The following LRRC4C variants were observed in gnomAD, a reference collection of about 807,000 sequenced individuals.
LRRC4C encodes the protein leucine rich repeat containing 4C.
LRRC4C carries 5 observed loss-of-function variants against 33.6 expected under a neutral mutation model. That is an observed-to-expected ratio of 0.15 (90% CI 0.08 to 0.31). LRRC4C has a LOEUF of 0.31. LRRC4C is among the 10% of genes least tolerant of loss of function. The probability of loss-of-function intolerance (pLI) is 1.00; values close to 1 mark genes in which losing one functional copy is unlikely to be tolerated. For synonymous variants in LRRC4C, 329 were observed against 302.0 expected (o/e 1.09, Z -0.93); for missense variants, 560 against 796.7 (o/e 0.70, Z 3.58).
intron 3 of LRRC4C, among the ~76,000 whole-genome samples, chr11:40,409,400 G>A (rs747942282): frequency 6.6e-6 from 1 of 151,786 alleles, no homozygotes; most frequent in African/African-American, 2.4e-5. Context: ...TTAAATTACA[G>A]CAAACTAAAA....
At chr11:40,403,579 G>A (rs1949844342) in intron 3 of LRRC4C, among the ~76,000 whole-genome samples, 1 of 152,074 alleles carries the variant, frequency 6.6e-6, no homozygotes, top group South Asian at 2.1e-4. Flanking sequence ...TGGACAATCA[G>A]TGACAAATTG....
chr11:40,817,906 C>CTGCAAATCT (rs1951770967), intron 2 of LRRC4C, among the ~76,000 whole-genome samples: 1 of 152,094 alleles, frequency 6.6e-6, no homozygotes, highest in African/African-American at 2.4e-5. Context: ...ACATTGCTGT[C>CTGCAAATCT]TGCAAATCTT....
chr11:40,903,361 C>T (rs1429469070), intron 2 of LRRC4C, among the ~76,000 whole-genome samples: 1 of 152,170 alleles, frequency 6.6e-6, no homozygotes, highest in Non-Finnish European at 1.5e-5. Context: ...CCTATTCACC[C>T]AGCAGCTCTG....
chr11:41,052,595 T>C (rs1407096163), intron 1 of LRRC4C, among the ~76,000 whole-genome samples: 1 of 151,804 alleles, frequency 6.6e-6, no homozygotes, highest in East Asian at 1.9e-4. Context: ...GCAAGTTATA[T>C]ATCTTAATTT....
At chr11:40,200,219 C>G (rs1862610321) in intron 5 of LRRC4C, among the ~76,000 whole-genome samples, 1 of 115,702 alleles carries the variant, frequency 8.6e-6, no homozygotes, top group Admixed American at 8.9e-5. Flanking sequence ...AAAAAAATAG[C>G]CATTCTTGGT....
chr11:40,518,076 G>A (rs1177242629), intron 3 of LRRC4C, among the ~76,000 whole-genome samples: 1 of 152,080 alleles, frequency 6.6e-6, no homozygotes, highest in East Asian at 1.9e-4. Context: ...AGTAAAACTG[G>A]ACCCCTTCCT....
At chr11:41,456,616 C>A (rs1279269710) in intron 1 of LRRC4C, among the ~76,000 whole-genome samples, 1 of 152,138 alleles carries the variant, frequency 6.6e-6, no homozygotes, top group Non-Finnish European at 1.5e-5. Context: ...TTCACCAATT[C>A]ATTCTTTTAA....
intron 3 of LRRC4C, among the ~76,000 whole-genome samples, chr11:40,575,399 A>G (rs1958151562): frequency 6.6e-6 from 1 of 152,104 alleles, no homozygotes. Flanking sequence ...ATGAAAAAAA[A>G]AAAGCTTTCC....
At chr11:40,680,872 G>T (rs1403971880) in intron 2 of LRRC4C, among the ~76,000 whole-genome samples, 1 of 152,116 alleles carries the variant, frequency 6.6e-6, no homozygotes, top group Non-Finnish European at 1.5e-5. Flanking sequence ...ATTATAGAAA[G>T]AATAAGGTAT....
chr11:40,938,117 T>C (rs1957985969), intron 1 of LRRC4C, among the ~76,000 whole-genome samples: 1 of 152,152 alleles, frequency 6.6e-6, no homozygotes, highest in Non-Finnish European at 1.5e-5. Flanking sequence ...AAGCATCACT[T>C]AAGAATGTTC....
Position 40,772,105 on chromosome 11 carries a change from C to T in LRRC4C, c.-406-123827G>A, listed in dbSNP as rs780275542. Among the ~76,000 whole-genome samples, 8 of 152,110 alleles carry T rather than the reference C, an allele frequency of 5.3e-5. No individual in the cohort carries two copies. In the East Asian group the frequency reaches 9.6e-4, roughly 18 times the overall value. On this transcript the variant is annotated intron_variant, in intron 2 of 6. Coordinates refer to ENST00000528697, the MANE Select transcript of LRRC4C (RefSeq NM_001258419.2). ...ACTGCTATAAAGAACTGCCCAAGAC[C>T]GGGTAATTTATAGAAGGAAGAGGCT...
intron 3 of LRRC4C, among the ~76,000 whole-genome samples, chr11:40,594,346 A>G (rs1429540781): frequency 6.6e-6 from 1 of 152,188 alleles, no homozygotes; most frequent in African/African-American, 2.4e-5. Flanking sequence ...TTCTTATTTT[A>G]TAGATGAGAA....
chr11:41,049,535 G>T (rs1858046214), intron 1 of LRRC4C, among the ~76,000 whole-genome samples: 1 of 152,248 alleles, frequency 6.6e-6, no homozygotes, highest in African/African-American at 2.4e-5. Context: ...GAAATGGGTT[G>T]GGTAGAAGCA....
intron 3 of LRRC4C, among the ~76,000 whole-genome samples, chr11:40,490,623 C>A (rs774640870): frequency 2.0e-5 from 3 of 152,136 alleles, no homozygotes; most frequent in Non-Finnish European, 4.4e-5. Flanking sequence ...AATGTAGCTC[C>A]TCACTGCAAC....
chr11:40,411,875 T>G (rs1244627458), intron 3 of LRRC4C, among the ~76,000 whole-genome samples: 2 of 152,052 alleles, frequency 1.3e-5, no homozygotes, highest in East Asian at 3.9e-4. Flanking sequence ...TGATAAGCCT[T>G]TTGTATATAA....
intron 6 of LRRC4C, among the ~76,000 whole-genome samples, 183 bp downstream of exon 6, chr11:40,140,618 C>T (rs184111771): frequency 6.3e-4 from 96 of 152,108 alleles, no homozygotes; most frequent in South Asian, 1.0e-3. Context: ...TACTATATTG[C>T]GGCTTATTTT....
intron 2 of LRRC4C, among the ~76,000 whole-genome samples, chr11:40,757,405 T>C (rs1286522652): frequency 1.3e-5 from 2 of 152,058 alleles, no homozygotes; most frequent in Admixed American, 1.3e-4. Context: ...ATATTCATGT[T>C]ACTAGAAAAA....
rs531926942 is a variant in LRRC4C, at chr11:40,840,112, G to A, written c.-407+93523C>T. ...GATATGTACTTGTGTAACTTCTATC[G>A]ACTACCTAAAGTGCAGATAGGATCC... On this transcript the variant is annotated intron_variant, in intron 2 of 6. Coordinates refer to ENST00000528697, the MANE Select transcript of LRRC4C (RefSeq NM_001258419.2). 9.9e-5 allele frequency among the ~76,000 whole-genome samples: 15 copies of A among 152,088 alleles called. No individual in the cohort carries two copies. The South Asian group carries it at 2.5e-3, about 25-fold the overall frequency.
chr11:40,305,592 T>G (rs1944989183), intron 4 of LRRC4C, among the ~76,000 whole-genome samples: 1 of 151,266 alleles, frequency 6.6e-6, no homozygotes, highest in Admixed American at 6.6e-5. Flanking sequence ...TCCAGTTGTA[T>G]TTACATTTGT....
Sources: gnomAD v4.1 joint callset for allele counts (sites outside exome capture counted in the v4.1 genomes callset) on GRCh38, gnomAD v4.1.1 for gene constraint, MANE v1.5 for transcripts, NCBI Gene and HGNC (gene_info 2026-07-23, HGNC 2026-07-21) for gene names.